MEI1: variants seen among roughly 807,000 people sequenced by gnomAD.
MEI1 encodes meiosis inhibitor protein 1.
A neutral mutation model predicts 146.2 loss-of-function variants in MEI1; 103 were observed. The observed-to-expected ratio is 0.70, with a 90% CI of 0.60 to 0.83. MEI1 has a LOEUF of 0.83. MEI1 is among the 40% of genes least tolerant of loss of function. The probability of loss-of-function intolerance (pLI) is 0.00; values close to 1 mark genes in which losing one functional copy is unlikely to be tolerated. For synonymous variants in MEI1, 652 were observed against 628.2 expected, an observed-to-expected ratio of 1.04 and a Z score of -0.57; for missense variants, 1,529 against 1,533.0, an observed-to-expected ratio of 1.00 and a Z score of 0.04.
In MEI1 at chr22:41,744,960, C is replaced by T. The variant is rs1295194382; in HGVS notation, c.1447-13C>T. ...CTTGATCACTAGGTTCCTGTCTCTC[C>T]TTCCCACCTCAGGGCCATGCCTCCA... is the stretch of plus-strand genomic sequence containing the variant. On this transcript the variant is annotated splice_polypyrimidine_tract_variant and intron_variant, in intron 12 of 30. Coordinates refer to ENST00000401548, the MANE Select transcript of MEI1 (RefSeq NM_152513.4). 3 of 1,519,884 alleles carry T rather than the reference C, an allele frequency of 2.0e-6. No individual in the cohort carries two copies. Among genetic ancestry groups the T allele is most frequent in the Non-Finnish European group, 2.7e-6 (3 of 1,129,768 alleles). 94.1% of individuals were successfully genotyped at this position (1,519,884 alleles called of 1,614,324 possible).
intron 24 of MEI1, among the ~76,000 whole-genome samples, chr22:41,783,262 C>A (rs2075830490): frequency 6.6e-6 from 1 of 152,070 alleles, no homozygotes; most frequent in Non-Finnish European, 1.5e-5. Flanking sequence ...TAACACCCCC[C>A]CTCACCCCCG....
intron 11 of MEI1, among the ~76,000 whole-genome samples, chr22:41,736,341 C>T (rs2072364487): frequency 6.6e-6 from 1 of 151,608 alleles, no homozygotes; most frequent in African/African-American, 2.4e-5. Context: ...GTTGTGCCTC[C>T]CGGGTTCACG....
At chr22:41,736,348 C>T (rs901303315) in intron 11 of MEI1, among the ~76,000 whole-genome samples, 1 of 150,554 alleles carries the variant, frequency 6.6e-6, no homozygotes, top group Admixed American at 6.6e-5. Context: ...CTCCCGGGTT[C>T]ACGCCATTCT....
chr22:41,792,712 C>T (rs947570009), intron 26 of MEI1, among the ~76,000 whole-genome samples: 1 of 152,116 alleles, frequency 6.6e-6, no homozygotes, highest in Non-Finnish European at 1.5e-5. Flanking sequence ...GTGGCTGCAC[C>T]ATTTTATCTT....
At chr22:41,701,204 G>A (rs2068701657) in intron 1 of MEI1, among the ~76,000 whole-genome samples, 1 of 152,076 alleles carries the variant, frequency 6.6e-6, no homozygotes. Context: ...CTCCCAAAGT[G>A]TTGGGATTAA....
intron 11 of MEI1, among the ~76,000 whole-genome samples, chr22:41,734,290 A>G (rs2072129320): frequency 6.6e-6 from 1 of 151,982 alleles, no homozygotes; most frequent in Non-Finnish European, 1.5e-5. Context: ...AGGGACGACT[A>G]TGCAATGTCA....
chr22:41,767,654 A>G (rs1364964202), intron 19 of MEI1: 3 of 452,388 alleles, frequency 6.6e-6, no homozygotes, highest in African/African-American at 2.0e-5. Context: ...TTTGCTTCTC[A>G]ACATTTCAGC....
intron 3 of MEI1, 30 bp from the exon 4 acceptor site, chr22:41,713,972 C>T: frequency 6.4e-7 from 1 of 1,559,364 alleles, no homozygotes; most frequent in Non-Finnish European, 8.7e-7. Context: ...GGGGTGCCTC[C>T]TGGTTAGTAA....
At chr22:41,798,973 T>C (rs1186410992) in intron 30 of MEI1, among the ~76,000 whole-genome samples, 2 of 151,806 alleles carry the variant, frequency 1.3e-5, no homozygotes, top group Admixed American at 1.3e-4. Context: ...AGTCCAGAGA[T>C]ACTGCAGTCC....
intron 1 of MEI1, among the ~76,000 whole-genome samples, 188 bp downstream of exon 1, chr22:41,699,900 A>C (rs11090056): frequency 0.64 from 97,490 of 152,092 alleles, 34,369 homozygotes; most frequent in East Asian, 0.92. Flanking sequence ...CCTCAGCCCC[A>C]GGCCGGCCTG....
At chr22:41,792,549 G>T (rs1026803168) in intron 26 of MEI1, among the ~76,000 whole-genome samples, 3 of 152,128 alleles carry the variant, frequency 2.0e-5, no homozygotes, top group African/African-American at 7.2e-5. Context: ...AGTGTCCAGG[G>T]TCCACCATCC....
chr22:41,717,453 A>C (rs2070313347), intron 5 of MEI1, among the ~76,000 whole-genome samples: 1 of 151,930 alleles, frequency 6.6e-6, no homozygotes, highest in South Asian at 2.1e-4. Context: ...ATGAGGCACC[A>C]TGCCCAGCCT....
At chr22:41,759,909 C>G (rs1408549766) in intron 18 of MEI1, among the ~76,000 whole-genome samples, 1 of 152,076 alleles carries the variant, frequency 6.6e-6, no homozygotes, top group Non-Finnish European at 1.5e-5. Context: ...TACGGTGGCT[C>G]ACATCTGTAA....
chr22:41,733,951 A>G (rs2072094096), intron 11 of MEI1, among the ~76,000 whole-genome samples: 2 of 151,300 alleles, frequency 1.3e-5, no homozygotes, highest in East Asian at 3.9e-4. Flanking sequence ...ACATGTAGAA[A>G]CCCTGTCTTT....
chr22:41,757,532 AT>A (rs1245253278), intron 17 of MEI1, among the ~76,000 whole-genome samples: 3 of 151,318 alleles, frequency 2.0e-5, no homozygotes, highest in Admixed American at 6.6e-5. Context: ...TAATTTTTGT[AT>A]TTTTGTAGGG....
chr22:41,709,046 T>C (rs1196456496), intron 3 of MEI1, among the ~76,000 whole-genome samples: 1 of 152,222 alleles, frequency 6.6e-6, no homozygotes, highest in Non-Finnish European at 1.5e-5. Flanking sequence ...AGTCCAGCTG[T>C]GAAGACATTC....
chr22:41,737,871 A>G (rs1601838999), intron 11 of MEI1, among the ~76,000 whole-genome samples: 1 of 152,112 alleles, frequency 6.6e-6, no homozygotes, highest in East Asian at 1.9e-4. Context: ...TCCTAGCACC[A>G]CAATGGGAAA....
intron 18 of MEI1, among the ~76,000 whole-genome samples, chr22:41,762,279 A>T (rs1335412767): frequency 6.8e-6 from 1 of 147,712 alleles, no homozygotes; most frequent in Non-Finnish European, 1.5e-5. Flanking sequence ...GTCCTGTCCT[A>T]TCCTGTCCTT....
chr22:41,745,611 A>T (rs974442935), intron 13 of MEI1, among the ~76,000 whole-genome samples: 5 of 152,164 alleles, frequency 3.3e-5, no homozygotes, highest in Non-Finnish European at 7.3e-5. Context: ...AATGAATGGG[A>T]AATAGCAAAT....
Sources: allele counts gnomAD v4.1 joint callset (sites outside exome capture counted in the v4.1 genomes callset), GRCh38; gene constraint gnomAD v4.1.1; transcripts MANE v1.5; gene names NCBI Gene and HGNC (gene_info 2026-07-23, HGNC 2026-07-21).